The following TMEM41B variants were observed in gnomAD, a reference collection of about 807,000 sequenced individuals.
TMEM41B encodes the protein protein stasimon.
TMEM41B carries 18 observed loss-of-function variants against 31.9 expected under a neutral mutation model. The observed-to-expected ratio is 0.56, with a 90% CI of 0.39 to 0.84. The LOEUF (loss-of-function observed/expected upper bound fraction) is 0.84, where lower values mean the gene tolerates loss of function less well. Among genes scored for constraint, TMEM41B ranks in the 40% least tolerant of loss-of-function variants. The pLI is 0.00. For synonymous variants in TMEM41B, 144 were observed against 124.3 expected (o/e 1.16, Z -1.05); for missense variants, 322 against 348.0 (o/e 0.93, Z 0.59).
intron 1 of TMEM41B, among the ~76,000 whole-genome samples, chr11:9,312,907 A>C (rs954982562): frequency 6.7e-6 from 1 of 148,242 alleles, no homozygotes; most frequent in East Asian, 2.0e-4. Flanking sequence ...CCGTCTCAAA[A>C]AAAAAAAAAA....
intron 1 of TMEM41B, among the ~76,000 whole-genome samples, chr11:9,309,150 G>A (rs770121740): frequency 2.0e-5 from 3 of 152,182 alleles, no homozygotes; most frequent in Non-Finnish European, 4.4e-5. Context: ...GGGAGGCTGA[G>A]GCGGAGAATC....
In TMEM41B at chr11:9,283,532, T is replaced by C; in HGVS notation, c.768A>G (p.Thr256=). 1 of 1,613,664 alleles carries C rather than the reference T, an allele frequency of 6.2e-7. No homozygotes were observed. Among genetic ancestry groups the C allele is most frequent in the South Asian group, 1.1e-5 (1 of 91,000 alleles). ...KAGTTLYQLT[T]AGEAVSWNSI... is the part of the protein sequence containing the mutation. ...AGTTCCAGGAAACAGCTTCTCCTGC[T>C]GTTGTAAGTTGATACAGTGTTGTTC... is the stretch of plus-strand genomic sequence containing the variant. The change falls in exon 7 of 7, where the codon ACA becomes ACG. Residue 256 remains threonine (T), a synonymous_variant. Transcript: ENST00000528080.
intron 1 of TMEM41B, among the ~76,000 whole-genome samples, chr11:9,303,720 T>G (rs1853314105): frequency 7.0e-6 from 1 of 143,214 alleles, no homozygotes; most frequent in Non-Finnish European, 1.5e-5. Context: ...CAGTCTGGAG[T>G]GCAGTGACAG....
Position 9,283,233 on chromosome 11 carries a change from G to T in TMEM41B, c.*191C>A. 1.9e-6 allele frequency: 1 copy of T among 518,780 alleles called. No homozygotes were observed. The highest frequency in any genetic ancestry group is 3.3e-6 in the Non-Finnish European group (1 of 298,714). 32.1% of individuals were successfully genotyped at this position (518,780 alleles called of 1,614,324 possible). On this transcript the variant is annotated 3_prime_UTR_variant, in exon 7 of 7. Transcript: ENST00000528080. ...TTAACTATTGATAGCACTTTTCACA[G>T]TATACCAATTTCCATTTTTACTTTC...
chr11:9,286,412 T>G (rs769110825), intron 6 of TMEM41B, 43 bp downstream of exon 6: 7 of 1,572,930 alleles, frequency 4.5e-6, no homozygotes, highest in Non-Finnish European at 6.0e-6. Context: ...CTGTTAGATA[T>G]GTACACAGTG....
At chr11:9,298,939 G>C (rs1019768771) in intron 2 of TMEM41B, among the ~76,000 whole-genome samples, 3 of 151,862 alleles carry the variant, frequency 2.0e-5, no homozygotes, top group Non-Finnish European at 4.4e-5. Context: ...ATTATACCAG[G>C]GTGGTATTAC....
In TMEM41B at chr11:9,282,586, A is replaced by G. The variant is rs907929436; in HGVS notation, c.*838T>C. 6.6e-6 allele frequency: 1 copy of G among 152,146 alleles called. No homozygotes were observed. The highest frequency in any genetic ancestry group is 6.6e-5 in the Admixed American group (1 of 15,244). The allele number at this position is 152,146 out of a possible 1,614,324, so 9.4% of individuals were successfully genotyped here. ...AAATAGATAACTTGATATCCTTTCC[A>G]TATTCAGTCGTCTACTAACATGCCA... On this transcript the variant is annotated 3_prime_UTR_variant, in exon 7 of 7. Coordinates refer to ENST00000528080, the MANE Select transcript of TMEM41B (RefSeq NM_015012.4).
In TMEM41B at chr11:9,314,403, G is replaced by A; in HGVS notation, c.39C>T (p.Gly13=). 3.2e-6 allele frequency: 5 copies of A among 1,567,980 alleles called. No homozygotes were observed. The highest frequency in any genetic ancestry group is 1.9e-5 in the Admixed American group (1 of 53,972). Residue 13 remains glycine (G), a synonymous_variant, in exon 1 of 7, where the codon GGC becomes GGT. Transcript: ENST00000528080. Reference sequence around the variant, plus strand: ...CCCCCACGGGGGTCGTGTGGTGAGCGCCCAACTGCGATCGTTCGGCGACTC... The same window carrying A: ...CCCCCACGGGGGTCGTGTGGTGAGCACCCAACTGCGATCGTTCGGCGACTC... ...KGRVAERSQL[G]AHHTTPVGDG...
chr11:9,292,679 T>C (rs191747498), intron 3 of TMEM41B, among the ~76,000 whole-genome samples: 3 of 152,010 alleles, frequency 2.0e-5, no homozygotes, highest in African/African-American at 7.2e-5. Flanking sequence ...AAAAAATACA[T>C]GAAGAGACGG....
At chr11:9,297,123 C>T (rs1187656005) in intron 2 of TMEM41B, among the ~76,000 whole-genome samples, 3 of 152,098 alleles carry the variant, frequency 2.0e-5, no homozygotes, top group African/African-American at 4.8e-5. Context: ...CCTGCTCTGT[C>T]GCCCAGGTTG....
In TMEM41B at chr11:9,314,467, T is replaced by G. The variant is rs763012203; in HGVS notation, c.-26A>C. The G allele has an allele frequency of 2.6e-6, 4 of 1,543,226 alleles. No homozygotes were observed. In the Admixed American group the frequency reaches 7.9e-5, roughly 31 times the overall value. On this transcript the variant is annotated 5_prime_UTR_variant, in exon 1 of 7. Transcript: ENST00000528080. ...GGCTGCTGCAAGGTGAAGGGAGCGG[T>G]GCGGTGCCGCGCCCCCTAAACAACA...
intron 1 of TMEM41B, 92 bp downstream of exon 1, chr11:9,314,229 C>T (rs902787773): frequency 1.5e-5 from 22 of 1,420,698 alleles, no homozygotes; most frequent in South Asian, 5.6e-5. Flanking sequence ...CCTCTTTCCC[C>T]GCGACTCTCC....
At chr11:9,298,158 T>C (rs1237910777) in intron 2 of TMEM41B, among the ~76,000 whole-genome samples, 2 of 149,256 alleles carry the variant, frequency 1.3e-5, no homozygotes. Context: ...ATGAAATTTA[T>C]AAAACTAAAA....
chr11:9,302,041 C>T (rs1853274799), intron 1 of TMEM41B, among the ~76,000 whole-genome samples: 1 of 133,774 alleles, frequency 7.5e-6, no homozygotes, highest in African/African-American at 2.9e-5. Context: ...GAGTCCTGCT[C>T]AGTCGCCCAG....
rs1232527583 is a variant in TMEM41B at position 9,283,528 on chromosome 11, C to T, written c.772G>A (p.Gly258Arg). ...ATTGAGTTCCAGGAAACAGCTTCTC[C>T]TGCTGTTGTAAGTTGATACAGTGTT... ...GTTLYQLTTA[G>R]EAVSWNSIFI... is the part of the protein sequence containing the mutation. Residue 258 changes from glycine to arginine, a missense_variant, in exon 7 of 7, where the codon GGA (glycine) becomes AGA (arginine). Physicochemically the swap from Gly to Arg is moderately radical, Grantham distance 125 (BLOSUM62 -2). Transcript: ENST00000528080. 1 of 1,613,230 alleles carries T rather than the reference C, an allele frequency of 6.2e-7. No individual in the cohort carries two copies. Among genetic ancestry groups the T allele is most frequent in the Non-Finnish European group, 8.5e-7 (1 of 1,179,572 alleles).
intron 1 of TMEM41B, among the ~76,000 whole-genome samples, chr11:9,305,191 G>A (rs1265802270): frequency 6.7e-6 from 1 of 148,190 alleles, no homozygotes; most frequent in Non-Finnish European, 1.5e-5. Flanking sequence ...AGTAGGTAAG[G>A]AATGAGGGTA....
intron 2 of TMEM41B, among the ~76,000 whole-genome samples, chr11:9,295,913 T>C (rs185148312): frequency 4.1e-4 from 62 of 152,020 alleles, no homozygotes; most frequent in African/African-American, 1.1e-3. Flanking sequence ...CTGGAGTGCA[T>C]TGGCGCGATC....
In TMEM41B at chr11:9,311,740, C is replaced by T. The variant is rs1257466113; in HGVS notation, c.121+2581G>A. On this transcript the variant is annotated intron_variant, in intron 1 of 6. Transcript: ENST00000528080. Reference sequence around the variant, plus strand: ...CACTGCTGCCTGGGCTTGATGCATTCTCAAGAGCTTCTTAACTAGTTTCAC... The same window carrying T: ...CACTGCTGCCTGGGCTTGATGCATTTTCAAGAGCTTCTTAACTAGTTTCAC... The T allele has an allele frequency of 4.4e-6, 3 of 677,254 alleles. No homozygotes were observed. In the Admixed American group the frequency reaches 7.3e-5, roughly 17 times the overall value. The allele number at this position is 677,254 out of a possible 1,614,324, so 42.0% of individuals were successfully genotyped here.
At position 9,281,860 on chromosome 11, in the gene TMEM41B, GAAT is replaced by G. The variant is rs1234832367; in HGVS notation, c.*1561_*1563del. 1 of 152,032 alleles carries G rather than the reference GAAT, an allele frequency of 6.6e-6. No homozygotes were observed. Among genetic ancestry groups the G allele is most frequent in the Non-Finnish European group, 1.5e-5 (1 of 67,988 alleles). The allele number at this position is 152,032 out of a possible 1,614,324, so 9.4% of individuals were successfully genotyped here. On this transcript the variant is annotated 3_prime_UTR_variant, in exon 7 of 7. Coordinates refer to ENST00000528080, the MANE Select transcript of TMEM41B (RefSeq NM_015012.4). Reference sequence around the variant, plus strand: ...TTTCTAGGTGTATCATGCATAAAAAGAATAATTACATAATATTATTAAATATAT... The same window carrying G: ...TTTCTAGGTGTATCATGCATAAAAAGAATTACATAATATTATTAAATATAT...
Sources: gnomAD v4.1 joint callset for allele counts (sites outside exome capture counted in the v4.1 genomes callset) on GRCh38, gnomAD v4.1.1 for gene constraint, MANE v1.5 for transcripts, NCBI Gene and HGNC (gene_info 2026-07-23, HGNC 2026-07-21) for gene names.